Variants in SGCD observed in about 807,000 individuals in gnomAD.
SGCD encodes delta-sarcoglycan.
Under a neutral mutation model 36.6 loss-of-function variants are expected in SGCD, and 18 were observed. That is an observed-to-expected ratio of 0.49 (90% CI 0.34 to 0.73). The LOEUF (loss-of-function observed/expected upper bound fraction) is 0.73. Ranked by LOEUF, SGCD falls within the 30% of genes least tolerant of loss-of-function variation. SGCD has a pLI of 0.01. For missense variants in SGCD, 387 were observed against 346.7 expected (o/e 1.12, Z -0.92); for synonymous variants, 133 against 130.6 (o/e 1.02, Z -0.12).
At chr5:156,273,488 G>A (rs1412315560) in intron 3 of SGCD, among the ~76,000 whole-genome samples, 4 of 152,166 alleles carry the variant, frequency 2.6e-5, no homozygotes, top group Non-Finnish European at 4.4e-5. Context: ...TGGATCAATA[G>A]AGCAGTCTTA....
intron 4 of SGCD, among the ~76,000 whole-genome samples, chr5:156,561,785 T>C (rs1759276639): frequency 6.6e-6 from 1 of 152,198 alleles, no homozygotes. Context: ...TGTGGTCTTA[T>C]GGAAAGAAGG....
At chr5:156,205,412 A>T (rs77771411) in intron 3 of SGCD, among the ~76,000 whole-genome samples, 2,537 of 152,228 alleles carry the variant, frequency 0.017, 74 homozygotes, top group African/African-American at 0.057. Context: ...GGCAATGTTT[A>T]TGCTGAAGAA....
intron 3 of SGCD, among the ~76,000 whole-genome samples, chr5:156,197,311 C>T (rs1249969584): frequency 2.0e-5 from 3 of 152,220 alleles, no homozygotes; most frequent in African/African-American, 4.8e-5. Flanking sequence ...ATGCATTTCC[C>T]AGCCCTCACG....
At chr5:156,315,491 T>C (rs954162731) in intron 3 of SGCD, among the ~76,000 whole-genome samples, 1 of 152,008 alleles carries the variant, frequency 6.6e-6, no homozygotes, top group Non-Finnish European at 1.5e-5. Flanking sequence ...TTTCATTTTG[T>C]GACTATTATG....
intron 1 of SGCD, among the ~76,000 whole-genome samples, chr5:155,993,201 G>C (rs190952639): frequency 3.3e-5 from 5 of 152,058 alleles, no homozygotes; most frequent in Admixed American, 1.3e-4. Flanking sequence ...GAACATTCCT[G>C]CATGGCCCCC....
At chr5:156,416,235 A>T (rs1005088184) in intron 3 of SGCD, among the ~76,000 whole-genome samples, 1 of 152,224 alleles carries the variant, frequency 6.6e-6, no homozygotes, top group Non-Finnish European at 1.5e-5. Context: ...GTGGAATTGG[A>T]GACTATTATT....
At chr5:155,862,331 G>A in the SGCD span, among the ~76,000 whole-genome samples, 3 of 151,620 alleles carry the variant, frequency 2.0e-5, no homozygotes, top group African/African-American at 7.3e-5. Flanking sequence ...TTAGGATTTC[G>A]GTACTAAAAA....
At chr5:156,449,735 C>T (rs1753919506) in intron 3 of SGCD, among the ~76,000 whole-genome samples, 1 of 146,206 alleles carries the variant, frequency 6.8e-6, no homozygotes, top group Admixed American at 6.8e-5. Flanking sequence ...ACCTGTAATC[C>T]TAGCTGCTCT....
the SGCD span, among the ~76,000 whole-genome samples, chr5:155,740,532 A>G: frequency 6.6e-6 from 1 of 152,222 alleles, no homozygotes; most frequent in African/African-American, 2.4e-5. Flanking sequence ...AAAAGAGGGC[A>G]GTCAGGATAA....
At chr5:155,845,893 T>A in the SGCD span, among the ~76,000 whole-genome samples, 2 of 152,186 alleles carry the variant, frequency 1.3e-5, no homozygotes, top group Non-Finnish European at 2.9e-5. Flanking sequence ...TGTCTCTTCA[T>A]CTTTGATGTT....
rs1337831428 is a variant in SGCD, at chr5:156,444,096, CTCTCTCTCTCTCTCTCT to C, written c.193-64504_193-64488del. 5.4e-4 allele frequency among the ~76,000 whole-genome samples: 65 copies of C among 119,566 alleles called. 2 individuals are homozygous for C. Among genetic ancestry groups the C allele is most frequent in the East Asian group, 3.2e-3 (12 of 3,718 alleles). 78.4% of individuals were successfully genotyped at this position (119,566 alleles called of 152,430 possible). On this transcript the variant is annotated intron_variant, in intron 3 of 8. Coordinates refer to ENST00000337851, the MANE Select transcript of SGCD (RefSeq NM_000337.6). ...TCTCTCTCTCTCTCTCTCTCTCTCT[CTCTCTCTCTCTCTCTCT>C]CTCCCCTTCCCTCTCTCTCTCTCTC...
At chr5:156,423,272 ACATTATAT>A (rs1256259268) in intron 3 of SGCD, among the ~76,000 whole-genome samples, 2 of 5,816 alleles carry the variant, frequency 3.4e-4, no homozygotes, top group Admixed American at 1.9e-3. Context: ...TTATAATATA[ACATTATAT>A]TATATTTTAT....
At chr5:156,150,637 G>A (rs1762811075) in intron 3 of SGCD, among the ~76,000 whole-genome samples, 1 of 151,622 alleles carries the variant, frequency 6.6e-6, no homozygotes, top group South Asian at 2.1e-4. Flanking sequence ...AATGTTGGAA[G>A]GACACAGGAT....
chr5:156,630,291 A>G (rs576453051), intron 6 of SGCD, among the ~76,000 whole-genome samples: 1 of 152,356 alleles, frequency 6.6e-6, no homozygotes, highest in East Asian at 1.9e-4. Flanking sequence ...CATCTCTTAT[A>G]GTGCCTGACA....
chr5:156,729,209 G>T (rs1163392059), intron 7 of SGCD, among the ~76,000 whole-genome samples: 1 of 152,182 alleles, frequency 6.6e-6, no homozygotes, highest in African/African-American at 2.4e-5. Context: ...TTTCTGAGGA[G>T]CTTTTACTTG....
the SGCD span, among the ~76,000 whole-genome samples, chr5:155,787,554 G>A: frequency 9.9e-5 from 15 of 152,162 alleles, no homozygotes; most frequent in African/African-American, 3.4e-4. Context: ...GAATGTGGGC[G>A]AAGGTGTTTC....
At chr5:156,605,165 A>G (rs981683726) in intron 6 of SGCD, among the ~76,000 whole-genome samples, 26 of 152,002 alleles carry the variant, frequency 1.7e-4, no homozygotes, top group Admixed American at 5.2e-4. Flanking sequence ...TCGTCATTTA[A>G]CATGAGGTAT....
chr5:155,871,029 A>G (rs1460809268), intron 1 of SGCD, among the ~76,000 whole-genome samples: 6 of 152,096 alleles, frequency 3.9e-5, no homozygotes, highest in African/African-American at 1.4e-4. Context: ...AGTGTATCAT[A>G]TGATTGATTT....
Position 156,538,696 on chromosome 5 carries a change from C to T in SGCD, c.294+29994C>T, listed in dbSNP as rs575302534. Among the ~76,000 whole-genome samples, 16 of 152,026 alleles carry T rather than the reference C, an allele frequency of 1.1e-4. No individual in the cohort carries two copies. The East Asian group carries it at 2.5e-3, about 24-fold the overall frequency. Reference sequence around the variant, plus strand: ...GTATTAAGTGTTTGAATACATTTTACGGCCCAGAGTAGATGCTAAATAAAT... The same window carrying T: ...GTATTAAGTGTTTGAATACATTTTATGGCCCAGAGTAGATGCTAAATAAAT... On this transcript the variant is annotated intron_variant, in intron 4 of 8. Coordinates refer to ENST00000337851, the MANE Select transcript of SGCD (RefSeq NM_000337.6).
Sources: gnomAD v4.1 joint callset for allele counts (sites outside exome capture counted in the v4.1 genomes callset) on GRCh38, gnomAD v4.1.1 for gene constraint, MANE v1.5 for transcripts, NCBI Gene and HGNC (gene_info 2026-07-23, HGNC 2026-07-21) for gene names.